PLEKHM3: variants seen among roughly 807,000 people sequenced by gnomAD.
The protein encoded by PLEKHM3 is pleckstrin homology domain-containing family M member 3.
In PLEKHM3, 45 loss-of-function variants were observed where a neutral mutation model predicts 81.8. The ratio of observed to expected loss-of-function variants is 0.55; its 90% confidence interval spans 0.43 to 0.71. The LOEUF is 0.71. Among genes scored for constraint, PLEKHM3 ranks in the 30% least tolerant of loss-of-function variants. PLEKHM3 has a pLI of 0.00. For synonymous variants in PLEKHM3, 352 were observed against 356.4 expected (o/e 0.99, Z 0.14); for missense variants, 788 against 924.3 (o/e 0.85, Z 1.91).
intron 5 of PLEKHM3, among the ~76,000 whole-genome samples, chr2:207,918,626 C>T (rs1279948911): frequency 6.6e-6 from 1 of 152,184 alleles, no homozygotes; most frequent in Non-Finnish European, 1.5e-5. Context: ...GGAGGATATG[C>T]ATCAAAGTGG....
At chr2:207,871,075 A>C (rs1328563761) in intron 6 of PLEKHM3, among the ~76,000 whole-genome samples, 1 of 152,212 alleles carries the variant, frequency 6.6e-6, no homozygotes, top group Non-Finnish European at 1.5e-5. Context: ...TGATTGGGCC[A>C]CTGTGCTCTA....
At chr2:207,952,267 C>G (rs187994931) in intron 3 of PLEKHM3, among the ~76,000 whole-genome samples, 1 of 152,274 alleles carries the variant, frequency 6.6e-6, no homozygotes, top group East Asian at 1.9e-4. Flanking sequence ...GGAGAGATGT[C>G]CACAGGAATG....
intron 5 of PLEKHM3, among the ~76,000 whole-genome samples, chr2:207,922,024 G>A (rs1327929340): frequency 6.6e-6 from 1 of 152,140 alleles, no homozygotes; most frequent in Non-Finnish European, 1.5e-5. Context: ...TGGATCATAT[G>A]GTAGCTCTAT....
At chr2:207,868,274 AT>A (rs34177402) in intron 6 of PLEKHM3, among the ~76,000 whole-genome samples, 45 of 124,572 alleles carry the variant, frequency 3.6e-4, no homozygotes, top group East Asian at 1.1e-3. Flanking sequence ...GCTTATTATT[AT>A]TTTTTTTTTT....
chr2:207,945,211 T>C (rs1014445808), intron 4 of PLEKHM3, among the ~76,000 whole-genome samples: 2 of 152,180 alleles, frequency 1.3e-5, no homozygotes, highest in African/African-American at 4.8e-5. Flanking sequence ...CCTGGGATCC[T>C]TCTACCTCAC....
chr2:207,873,768 A>G (rs2092546644), intron 6 of PLEKHM3, among the ~76,000 whole-genome samples: 1 of 152,234 alleles, frequency 6.6e-6, no homozygotes, highest in South Asian at 2.1e-4. Flanking sequence ...GTTAATGTTT[A>G]GATAGCACTT....
At chr2:207,980,210 A>G (rs1691473058) in intron 2 of PLEKHM3, among the ~76,000 whole-genome samples, 2 of 152,128 alleles carry the variant, frequency 1.3e-5, no homozygotes, top group African/African-American at 4.8e-5. Context: ...CCCTCTTCTT[A>G]TCTCCCTGTG....
chr2:207,995,592 C>T (rs1482451276), intron 2 of PLEKHM3, among the ~76,000 whole-genome samples: 2 of 152,310 alleles, frequency 1.3e-5, no homozygotes, highest in African/African-American at 4.8e-5. Flanking sequence ...GTTACTTATG[C>T]TCCCTGTGCC....
intron 3 of PLEKHM3, among the ~76,000 whole-genome samples, chr2:207,956,718 A>ATTTTTTTTTTT (rs1170073686): frequency 8.1e-4 from 56 of 69,146 alleles, no homozygotes; most frequent in Non-Finnish European, 1.1e-3. Context: ...GCTGATTAAA[A>ATTTTTTTTTTT]TTTTTTTTTT....
chr2:208,015,608 G>C (rs1051421707), intron 1 of PLEKHM3, among the ~76,000 whole-genome samples: 3 of 152,160 alleles, frequency 2.0e-5, no homozygotes, highest in African/African-American at 7.2e-5. Flanking sequence ...AATTGTCTTA[G>C]TGACCTTGGA....
chr2:208,015,561 C>G (rs933834625), intron 1 of PLEKHM3, among the ~76,000 whole-genome samples: 2 of 152,284 alleles, frequency 1.3e-5, no homozygotes, highest in Admixed American at 1.3e-4. Flanking sequence ...TGAACAAACA[C>G]AGTAAAAAGT....
chr2:207,971,827 C>T (rs1490202127), intron 3 of PLEKHM3, among the ~76,000 whole-genome samples: 3 of 152,186 alleles, frequency 2.0e-5, no homozygotes, highest in Non-Finnish European at 4.4e-5. Context: ...ATTAACTGTT[C>T]CTACATACCA....
At position 207,858,180 on chromosome 2, in the gene PLEKHM3, A is replaced by ATTTTTTT. The variant is rs58031514; in HGVS notation, c.2108+2918_2108+2924dup. ...TGTGTGTGTGTGTGTGTGTGTATAT[A>ATTTTTTT]TTTTTTTTTTTGAGATGAAGTCTCA... On this transcript the variant is annotated intron_variant, in intron 7 of 7. Coordinates refer to ENST00000427836, the MANE Select transcript of PLEKHM3 (RefSeq NM_001080475.3). Among the ~76,000 whole-genome samples, 204 of 103,842 alleles carry ATTTTTTT rather than the reference A, an allele frequency of 2.0e-3. 8 individuals are homozygous for ATTTTTTT. The highest frequency in any genetic ancestry group is 7.2e-3 in the African/African-American group (193 of 26,916). The allele number at this position is 103,842 out of a possible 152,430, so 68.1% of individuals were successfully genotyped here. A position where few individuals can be genotyped will look rare whatever the true frequency, so the allele number is the denominator to read the frequency against.
chr2:207,865,801 A>ATATATATATATATATAT (rs1192139812), intron 6 of PLEKHM3, among the ~76,000 whole-genome samples: 1 of 25,300 alleles, frequency 4.0e-5, no homozygotes, highest in African/African-American at 2.1e-4. Flanking sequence ...AAAAAAAAAA[A>ATATATATATATATATAT]AGATATATAT....
chr2:207,977,738 C>A, intron 2 of PLEKHM3, 152 bp from the exon 3 acceptor site: 1 of 690,358 alleles, frequency 1.4e-6, no homozygotes, highest in Non-Finnish European at 2.3e-6. Flanking sequence ...TAGTAGAATC[C>A]CACGATGGTA....
chr2:207,982,830 G>A (rs1233563834), intron 2 of PLEKHM3, among the ~76,000 whole-genome samples: 1 of 151,896 alleles, frequency 6.6e-6, no homozygotes, highest in Non-Finnish European at 1.5e-5. Context: ...TGCTTGCCTC[G>A]GCCTCCCAAA....
chr2:207,991,721 T>C (rs916901764), intron 2 of PLEKHM3, among the ~76,000 whole-genome samples: 15 of 152,146 alleles, frequency 9.9e-5, no homozygotes, highest in African/African-American at 3.6e-4. Context: ...AAAATGATCC[T>C]TGGGGCAGCT....
intron 7 of PLEKHM3, among the ~76,000 whole-genome samples, chr2:207,831,194 AC>A (rs2092285635): frequency 6.6e-6 from 1 of 151,774 alleles, no homozygotes; most frequent in Non-Finnish European, 1.5e-5. Flanking sequence ...GCCTGACTTC[AC>A]CCATGTCACT....
At chr2:207,860,166 TG>T (rs2092459587) in intron 7 of PLEKHM3, among the ~76,000 whole-genome samples, 3 of 145,930 alleles carry the variant, frequency 2.1e-5, no homozygotes, top group Non-Finnish European at 4.5e-5. Context: ...TGTGTGTGTG[TG>T]TGTGTGTGTG....
Sources: gnomAD v4.1 joint callset for allele counts (sites outside exome capture counted in the v4.1 genomes callset) on GRCh38, gnomAD v4.1.1 for gene constraint, MANE v1.5 for transcripts, NCBI Gene and HGNC (gene_info 2026-07-23, HGNC 2026-07-21) for gene names.